Variants in BATF3 observed in about 807,000 individuals in gnomAD.
BATF3 encodes basic leucine zipper transcriptional factor ATF-like 3.
In BATF3, 8 loss-of-function variants were observed where a neutral mutation model predicts 16.1. The observed-to-expected ratio is 0.50, with a 90% confidence interval of 0.29 to 0.90. The LOEUF is 0.90. Among genes scored for constraint, BATF3 ranks in the 40% least tolerant of loss-of-function variants. The probability of loss-of-function intolerance (pLI) is 0.08; values close to 1 mark genes in which losing one functional copy is unlikely to be tolerated. For synonymous variants in BATF3, 74 were observed against 72.7 expected (o/e 1.02, Z -0.09); for missense variants, 139 against 167.0 (o/e 0.83, Z 0.92).
At chr1:212,691,840 C>T (rs1657004595) in intron 2 of BATF3, among the ~76,000 whole-genome samples, 1 of 152,204 alleles carries the variant, frequency 6.6e-6, no homozygotes, top group Non-Finnish European at 1.5e-5. Flanking sequence ...GAGACGAGAC[C>T]CTGACTGTTC....
chr1:212,688,130 T>C (rs560921631), intron 2 of BATF3, among the ~76,000 whole-genome samples: 3 of 152,238 alleles, frequency 2.0e-5, no homozygotes, highest in South Asian at 4.1e-4. Flanking sequence ...AATGTACCTG[T>C]TGGGTTTGGT....
chr1:212,698,170 A>G (rs1011622241), intron 1 of BATF3: 1 of 152,260 alleles, frequency 6.6e-6, no homozygotes, highest in Non-Finnish European at 1.5e-5. Context: ...AAAGTATGAT[A>G]ATACAGTCTT....
intron 1 of BATF3, chr1:212,698,807 A>G (rs945292474): frequency 2.0e-5 from 3 of 152,224 alleles, no homozygotes; most frequent in Non-Finnish European, 2.9e-5. Context: ...GTTATTAACC[A>G]TATCTGATTC....
In BATF3 at chr1:212,686,640, A is replaced by G; in HGVS notation, c.*151T>C. On this transcript the variant is annotated 3_prime_UTR_variant, in exon 3 of 3. Coordinates refer to ENST00000243440, the MANE Select transcript of BATF3 (RefSeq NM_018664.3). The stretch of plus-strand genomic sequence containing the variant: ...GCCTGTTGGATGTCGGGCTGAGCCC[A>G]GTCTGCAGGGAACACAGCTGGCTGG... 2 of 1,319,148 alleles carry G rather than the reference A, an allele frequency of 1.5e-6. No individual in the cohort carries two copies. Among genetic ancestry groups the G allele is most frequent in the Middle Eastern group, 2.7e-4 (1 of 3,638 alleles). 81.7% of individuals were successfully genotyped at this position (1,319,148 alleles called of 1,614,324 possible). A position where few individuals can be genotyped will look rare whatever the true frequency, so the allele number is the denominator to read the frequency against.
chr1:212,688,525 CA>C (rs1261181652), intron 2 of BATF3, among the ~76,000 whole-genome samples: 1 of 152,218 alleles, frequency 6.6e-6, no homozygotes, highest in Non-Finnish European at 1.5e-5. Context: ...CATCCATCTC[CA>C]CTGAATTTCA....
intron 2 of BATF3, 41 bp from the exon 3 acceptor site, chr1:212,687,020 G>T: frequency 1.5e-6 from 2 of 1,325,344 alleles, no homozygotes; most frequent in Non-Finnish European, 2.2e-6. Context: ...CTGGTGCAGC[G>T]TTCCCTTCCT....
Position 212,697,029 on chromosome 1 carries a change from C to G in BATF3, c.127G>C (p.Glu43Gln). Residue 43 changes from glutamate to glutamine, a missense_variant, in exon 2 of 3, where the codon GAA (glutamate) becomes CAA (glutamine). Glu to Gln is a conservative substitution (Grantham distance 29). Coordinates refer to ENST00000243440, the MANE Select transcript of BATF3 (RefSeq NM_018664.3). ...EDDDRKVRRR[E>Q]KNRVAAQRSR... ...CTCTGAGCAGCAACTCGGTTTTTTT[C>G]TCTCCTTCGGACCTTCCTGTCATCA... The G allele has an allele frequency of 6.2e-7, 1 of 1,614,172 alleles. No homozygotes were observed. Among genetic ancestry groups the G allele is most frequent in the South Asian group, 1.1e-5 (1 of 91,092 alleles).
intron 2 of BATF3, among the ~76,000 whole-genome samples, chr1:212,691,618 T>G (rs1016535689): frequency 6.6e-6 from 1 of 152,238 alleles, no homozygotes; most frequent in Admixed American, 6.5e-5. Context: ...CATGAAGCTC[T>G]CAGAACATGC....
At position 212,689,875 on chromosome 1, in the gene BATF3, TCACACA is replaced by T. The variant is rs1169568645; in HGVS notation, c.196-2902_196-2897del. On this transcript the variant is annotated intron_variant, in intron 2 of 2. Transcript: ENST00000243440. The surrounding 1 kb of genome is among the most constrained non-coding windows in gnomAD (Gnocchi z 4.6). Reference sequence around the variant, plus strand: ...CAGACACACACACAGATACACACAGTCACACACACATCTGCAAACACACTCTCATAC... The same window carrying T: ...CAGACACACACACAGATACACACAGTCACATCTGCAAACACACTCTCATAC... 4.3e-5 allele frequency among the ~76,000 whole-genome samples: 6 copies of T among 140,732 alleles called. No homozygotes were observed. Among genetic ancestry groups the T allele is most frequent in the African/African-American group, 1.6e-4 (6 of 37,064 alleles). The allele number at this position is 140,732 out of a possible 152,430, so 92.3% of individuals were successfully genotyped here.
At position 212,689,777 on chromosome 1, in the gene BATF3, G is replaced by A. The variant is rs879410573; in HGVS notation, c.196-2798C>T. Among the ~76,000 whole-genome samples the A allele has an allele frequency of 1.3e-4, 20 of 149,236 alleles. No individual in the cohort carries two copies. The highest frequency in any genetic ancestry group is 4.2e-4 in the African/African-American group (17 of 40,384). On this transcript the variant is annotated intron_variant, in intron 2 of 2. Coordinates refer to ENST00000243440, the MANE Select transcript of BATF3 (RefSeq NM_018664.3). The surrounding 1 kb of genome is among the most constrained non-coding windows in gnomAD (Gnocchi z 4.6). ...CATATACACACACTCACACACGTCCGCAAACACACTCACACACTCTCATAC... is the reference window on the plus strand; with the variant it reads ...CATATACACACACTCACACACGTCCACAAACACACTCACACACTCTCATAC...
chr1:212,687,996 A>AAAGG lies in BATF3; in HGVS notation c.196-1021_196-1018dup, dbSNP rs150731119. Among the ~76,000 whole-genome samples, 865 of 101,288 alleles carry AAAGG rather than the reference A, an allele frequency of 8.5e-3. 30 individuals are homozygous for AAAGG. The highest frequency in any genetic ancestry group is 0.029 in the East Asian group (116 of 4,018). The allele number at this position is 101,288 out of a possible 152,430, so 66.4% of individuals were successfully genotyped here. A position where few individuals can be genotyped will look rare whatever the true frequency, so the allele number is the denominator to read the frequency against. Reference sequence around the variant, plus strand: ...GAAAGAAAGAAAGAAAGAAAGAAAGAAAGGAAGGAAGGAAGGAAGGAAGGA... The same window carrying AAAGG: ...GAAAGAAAGAAAGAAAGAAAGAAAGAAAGGAAGGAAGGAAGGAAGGAAGGAAGGA... On this transcript the variant is annotated intron_variant, in intron 2 of 2. Transcript: ENST00000243440.
chr1:212,687,294 GCC>G (rs1656873437), intron 2 of BATF3, among the ~76,000 whole-genome samples: 1 of 152,126 alleles, frequency 6.6e-6, no homozygotes, highest in Non-Finnish European at 1.5e-5. Context: ...AGTTCCCCAT[GCC>G]CCTGTGCAGT....
chr1:212,698,072 G>A (rs1281084392), intron 1 of BATF3: 1 of 152,132 alleles, frequency 6.6e-6, no homozygotes, highest in East Asian at 1.9e-4. Context: ...AGTTACTGCA[G>A]GTAAGAAGTT....
intron 2 of BATF3, among the ~76,000 whole-genome samples, chr1:212,693,718 C>G (rs1028260670): frequency 2.5e-4 from 38 of 152,216 alleles, no homozygotes; most frequent in Non-Finnish European, 4.4e-4. Context: ...TGGCACCACT[C>G]TGAAGTTCCC....
At chr1:212,697,580 C>T (rs1657161616) in intron 1 of BATF3, 1 of 153,118 alleles carries the variant, frequency 6.5e-6, no homozygotes, top group Admixed American at 6.5e-5. Context: ...ATCATGATTA[C>T]ACTTACAACT....
At position 212,699,779 on chromosome 1, in the gene BATF3, G is replaced by T. The variant is rs1432650691; in HGVS notation, c.-17C>A. On this transcript the variant is annotated 5_prime_UTR_variant, in exon 1 of 3. Coordinates refer to ENST00000243440, the MANE Select transcript of BATF3 (RefSeq NM_018664.3). The surrounding 1 kb of genome is among the most constrained non-coding windows in gnomAD (Gnocchi z 4.4). ...TTGCGACATGCCGGGCGCTCCTCTG[G>T]CCCGGCCCGCCCCGCCCCGCCCGCG... The T allele has an allele frequency of 8.3e-7, 1 of 1,202,316 alleles. No homozygotes were observed. Among genetic ancestry groups the T allele is most frequent in the Non-Finnish European group, 1.0e-6 (1 of 968,286 alleles). The allele number at this position is 1,202,316 out of a possible 1,614,324, so 74.5% of individuals were successfully genotyped here.
At chr1:212,691,196 G>A (rs1656993176) in intron 2 of BATF3, among the ~76,000 whole-genome samples, 1 of 152,168 alleles carries the variant, frequency 6.6e-6, no homozygotes. Flanking sequence ...GACTGGTAAA[G>A]AAGTGGGTAC....
chr1:212,689,955 C>T lies in BATF3; in HGVS notation c.196-2976G>A, dbSNP rs1395731469. Among the ~76,000 whole-genome samples, 2 of 144,806 alleles carry T rather than the reference C, an allele frequency of 1.4e-5. No homozygotes were observed. The highest frequency in any genetic ancestry group is 1.5e-5 in the Non-Finnish European group (1 of 67,878). 95.0% of individuals were successfully genotyped at this position (144,806 alleles called of 152,430 possible). On this transcript the variant is annotated intron_variant, in intron 2 of 2. Transcript: ENST00000243440. This position sits in a 1 kb window ranked among gnomAD's most constrained non-coding sequence, Gnocchi z 4.6. ...CATACACAATCAACACACAGTCACA[C>T]AAACACTCTCACAGTCACACACATA...
At chr1:212,692,439 G>A (rs1178797677) in intron 2 of BATF3, among the ~76,000 whole-genome samples, 1 of 152,170 alleles carries the variant, frequency 6.6e-6, no homozygotes, top group Non-Finnish European at 1.5e-5. Context: ...GGTAGAGTAT[G>A]TGAGTGAGGT....
Sources: allele counts gnomAD v4.1 joint callset (sites outside exome capture counted in the v4.1 genomes callset), GRCh38; gene constraint gnomAD v4.1.1; non-coding constraint Gnocchi (gnomAD v3.1); transcripts MANE v1.5; gene names NCBI Gene and HGNC (gene_info 2026-07-23, HGNC 2026-07-21).